Variants in DDX10 observed in about 807,000 individuals in gnomAD.
The protein encoded by DDX10 is probable ATP-dependent RNA helicase DDX10.
DDX10 carries 74 observed loss-of-function variants against 104.3 expected under a neutral mutation model. The observed-to-expected ratio is 0.71, with a 90% confidence interval of 0.59 to 0.86. The LOEUF (loss-of-function observed/expected upper bound fraction) is 0.86, where lower values mean the gene tolerates loss of function less well. Among genes scored for constraint, DDX10 ranks in the 40% least tolerant of loss-of-function variants. The probability of loss-of-function intolerance (pLI) is 0.00; values close to 1 mark genes in which losing one functional copy is unlikely to be tolerated. For synonymous variants in DDX10, 351 were observed against 353.4 expected, an observed-to-expected ratio of 0.99 and a Z score of 0.08; for missense variants, 952 against 1,040.0, an observed-to-expected ratio of 0.92 and a Z score of 1.16.
At chr11:108,838,753 A>G (rs1591831904) in intron 14 of DDX10, among the ~76,000 whole-genome samples, 188 bp downstream of exon 14, 1 of 152,212 alleles carries the variant, frequency 6.6e-6, no homozygotes, top group African/African-American at 2.4e-5. Context: ...CTTACTGCCA[A>G]TAAGCCGAGA....
intron 14 of DDX10, among the ~76,000 whole-genome samples, chr11:108,840,833 C>T (rs1862626993): frequency 1.3e-5 from 2 of 152,170 alleles, no homozygotes; most frequent in African/African-American, 4.8e-5. Flanking sequence ...TACAACTGCC[C>T]TCAAGGAGAT....
At chr11:108,712,569 C>T (rs748303672) in intron 10 of DDX10, among the ~76,000 whole-genome samples, 2 of 151,810 alleles carry the variant, frequency 1.3e-5, no homozygotes, top group Non-Finnish European at 2.9e-5. Context: ...TACCTTATAA[C>T]GTAATTCTGA....
intron 13 of DDX10, among the ~76,000 whole-genome samples, chr11:108,789,850 C>A (rs1861846659): frequency 6.6e-6 from 1 of 152,144 alleles, no homozygotes. Flanking sequence ...AGGTTTTATC[C>A]ATCTTTCTGC....
chr11:108,783,010 T>C (rs1001267700), intron 13 of DDX10, among the ~76,000 whole-genome samples: 5 of 152,212 alleles, frequency 3.3e-5, no homozygotes, highest in Admixed American at 2.0e-4. Flanking sequence ...TTGCTTACAA[T>C]GTTATGCCTT....
At chr11:108,839,223 A>G (rs558021668) in intron 14 of DDX10, among the ~76,000 whole-genome samples, 17 of 152,298 alleles carry the variant, frequency 1.1e-4, no homozygotes, top group African/African-American at 3.6e-4. Flanking sequence ...TACAGTAGGT[A>G]GGGTCTTTTG....
intron 8 of DDX10, among the ~76,000 whole-genome samples, chr11:108,693,012 C>T (rs757292608): frequency 1.4e-4 from 21 of 152,204 alleles, no homozygotes; most frequent in Admixed American, 2.6e-4. Flanking sequence ...CCGTCATCTA[C>T]ATTAGGTATT....
At chr11:108,889,640 C>T (rs181486706) in intron 16 of DDX10, among the ~76,000 whole-genome samples, 3 of 152,210 alleles carry the variant, frequency 2.0e-5, no homozygotes, top group Admixed American at 2.0e-4. Flanking sequence ...AGTTGAATTA[C>T]AGCAATATAT....
At chr11:108,715,257 G>A (rs1307448806) in intron 10 of DDX10, among the ~76,000 whole-genome samples, 5 of 152,158 alleles carry the variant, frequency 3.3e-5, no homozygotes, top group Non-Finnish European at 7.4e-5. Flanking sequence ...GCTCACACCT[G>A]TAACTCAGCA....
chr11:108,775,848 A>G (rs2094369157), intron 13 of DDX10, among the ~76,000 whole-genome samples: 1 of 152,140 alleles, frequency 6.6e-6, no homozygotes, highest in Non-Finnish European at 1.5e-5. Context: ...CGTGACTATT[A>G]TTTCATTTAC....
At chr11:108,897,561 A>T (rs533647896) in intron 16 of DDX10, among the ~76,000 whole-genome samples, 1 of 152,118 alleles carries the variant, frequency 6.6e-6, no homozygotes, top group East Asian at 1.9e-4. Context: ...CGCCAAGGTG[A>T]GAGTGTGGAA....
At position 108,723,310 on chromosome 11, in the gene DDX10, C is replaced by A; in HGVS notation, c.1813C>A (p.Pro605Thr). The A allele has an allele frequency of 1.2e-6, 2 of 1,613,820 alleles. No homozygotes were observed. Among genetic ancestry groups the A allele is most frequent in the Non-Finnish European group, 1.7e-6 (2 of 1,179,906 alleles). ...GGCAAAAGCAAAAGGATCTCAAGCCCCATCTCTTCCTAACACCAGTGAGGC... is the reference window on the plus strand; with the variant it reads ...GGCAAAAGCAAAAGGATCTCAAGCCACATCTCTTCCTAACACCAGTGAGGC... ...KLAKAKGSQA[P>T]SLPNTSEAQK... Residue 605 changes from proline to threonine, a missense_variant, in exon 13 of 18, where the codon CCA (proline) becomes ACA (threonine). Transcript: ENST00000322536.
In DDX10 at chr11:108,940,400, C is replaced by T. The variant is rs760187114; in HGVS notation, c.2605C>T (p.His869Tyr). 4.3e-6 allele frequency: 7 copies of T among 1,613,706 alleles called. No homozygotes were observed. The Middle Eastern group carries it at 8.3e-4, about 190-fold the overall frequency. The part of the protein sequence containing the change: ...SLAEDEELVL[H>Y]LLRSQS ...AGCAGAGGATGAAGAGCTGGTGTTA[C>T]ATCTGCTAAGAAGTCAAAGCTAAAT... The change falls in exon 18 of 18, where the codon CAT becomes TAT. Residue 869 changes from histidine to tyrosine, a missense_variant. Physicochemically the swap from His to Tyr is moderately conservative, Grantham distance 83. Transcript: ENST00000322536.
intron 13 of DDX10, among the ~76,000 whole-genome samples, chr11:108,731,375 C>T (rs1010837957): frequency 6.6e-5 from 10 of 152,024 alleles, no homozygotes; most frequent in African/African-American, 2.4e-4. Flanking sequence ...CTCACCTAGT[C>T]TTAACTTCAC....
intron 11 of DDX10, among the ~76,000 whole-genome samples, chr11:108,717,403 G>A (rs745503610): frequency 4.0e-5 from 6 of 151,812 alleles, no homozygotes; most frequent in Middle Eastern, 3.4e-3. Context: ...TCCGCCTCCC[G>A]GGTTCAGGTG....
chr11:108,909,577 C>T (rs1297302976), intron 16 of DDX10, among the ~76,000 whole-genome samples: 1 of 152,036 alleles, frequency 6.6e-6, no homozygotes. Context: ...AAAACCCTTT[C>T]CTGAGTTCTA....
At chr11:108,851,952 G>T (rs1264120773) in intron 15 of DDX10, among the ~76,000 whole-genome samples, 3 of 152,138 alleles carry the variant, frequency 2.0e-5, no homozygotes, top group Admixed American at 6.5e-5. Context: ...ATAGAACTGG[G>T]ATTTGATTCC....
At chr11:108,928,756 A>G (rs1158693774) in intron 17 of DDX10, among the ~76,000 whole-genome samples, 1 of 152,226 alleles carries the variant, frequency 6.6e-6, no homozygotes, top group Non-Finnish European at 1.5e-5. Context: ...GAAATATGAC[A>G]TTGAATAGGG....
chr11:108,682,025 T>C (rs1004941433), intron 6 of DDX10, among the ~76,000 whole-genome samples: 13 of 152,136 alleles, frequency 8.5e-5, no homozygotes, highest in African/African-American at 3.1e-4. Flanking sequence ...GTAATACGAG[T>C]AGCAAAACAC....
chr11:108,713,893 A>G (rs2094287882), intron 10 of DDX10, among the ~76,000 whole-genome samples: 1 of 152,122 alleles, frequency 6.6e-6, no homozygotes, highest in Non-Finnish European at 1.5e-5. Context: ...TGTGAACTTT[A>G]CAAATTCTTT....
Sources: allele counts gnomAD v4.1 joint callset (sites outside exome capture counted in the v4.1 genomes callset), GRCh38; gene constraint gnomAD v4.1.1; transcripts MANE v1.5; gene names NCBI Gene and HGNC (gene_info 2026-07-23, HGNC 2026-07-21).